Variants in IL1RL2 observed in about 807,000 individuals in gnomAD.
IL1RL2 encodes interleukin-1 receptor-like 2.
Under a neutral mutation model 66.8 loss-of-function variants are expected in IL1RL2, and 68 were observed. The ratio of observed to expected loss-of-function variants is 1.02; its 90% CI spans 0.84 to 1.25. IL1RL2 has a LOEUF of 1.25. Ranked by LOEUF, IL1RL2 falls within the 50% of genes most tolerant of loss-of-function variation. IL1RL2 has a pLI of 0.00. For synonymous variants in IL1RL2, 305 were observed against 264.6 expected, an observed-to-expected ratio of 1.15 and a Z score of -1.48; for missense variants, 729 against 709.3, an observed-to-expected ratio of 1.03 and a Z score of -0.32.
Position 102,187,036 on chromosome 2 carries a change from T to C in IL1RL2, c.-63T>C. On this transcript the variant is annotated 5_prime_UTR_variant, in exon 1 of 12. Transcript: ENST00000264257. ...TGGCATGACAGGGCTCGTGTCCCTG[T>C]CATATTTTCCACTCTCCACGAGGTC... 1 of 1,289,804 alleles carries C rather than the reference T, an allele frequency of 7.8e-7. No individual in the cohort carries two copies. Among genetic ancestry groups the C allele is most frequent in the Non-Finnish European group, 1.0e-6 (1 of 988,842 alleles). The allele number at this position is 1,289,804 out of a possible 1,614,324, so 79.9% of individuals were successfully genotyped here.
Position 102,232,165 on chromosome 2 carries a change from G to A in IL1RL2, c.1136-798G>A, listed in dbSNP as rs146927703. 2.0e-3 allele frequency among the ~76,000 whole-genome samples: 306 copies of A among 151,410 alleles called. 8 individuals carry two copies. In the East Asian group the frequency reaches 0.05, roughly 25 times the overall value. ...TTGCTCTTGTTGCCCAGGCTGGAGT[G>A]CAATGGTGTGATCTCGGCTCACTGA... On this transcript the variant is annotated intron_variant, in intron 9 of 11. Transcript: ENST00000264257.
chr2:102,222,656 A>G (rs898293322), intron 8 of IL1RL2, among the ~76,000 whole-genome samples: 4 of 152,182 alleles, frequency 2.6e-5, no homozygotes, highest in African/African-American at 9.7e-5. Flanking sequence ...TGAGTTTGAG[A>G]CAAGTGCAGA....
intron 8 of IL1RL2, among the ~76,000 whole-genome samples, chr2:102,224,854 A>C (rs1040211185): frequency 1.3e-5 from 2 of 152,188 alleles, no homozygotes; most frequent in African/African-American, 4.8e-5. Context: ...AATATGTGCA[A>C]CTATTATGTA....
At chr2:102,195,617 CTT>C (rs1374089317) in intron 4 of IL1RL2, among the ~76,000 whole-genome samples, 20 of 17,172 alleles carry the variant, frequency 1.2e-3, no homozygotes, top group Admixed American at 1.6e-3. Flanking sequence ...TTCTTTCTTT[CTT>C]TCTTTCTTTC....
At chr2:102,187,124 G>C (rs532593255) in intron 1 of IL1RL2, 38 bp downstream of exon 1, 118 of 1,287,112 alleles carry the variant, frequency 9.2e-5, no homozygotes, top group Non-Finnish European at 1.1e-4. Flanking sequence ...AGCCAGGCAT[G>C]GGTGGGGCCC....
chr2:102,197,961 C>A (rs921873684), intron 4 of IL1RL2, among the ~76,000 whole-genome samples: 1 of 152,180 alleles, frequency 6.6e-6, no homozygotes, highest in Admixed American at 6.5e-5. Flanking sequence ...GGCCTCGATG[C>A]CACTTCCTGA....
chr2:102,241,039 A>G (rs928815849), downstream of IL1RL2, among the ~76,000 whole-genome samples: 1 of 152,214 alleles, frequency 6.6e-6, no homozygotes, highest in African/African-American at 2.4e-5. Flanking sequence ...GTCCAGCCCG[A>G]AGCTCACAGA....
intron 4 of IL1RL2, among the ~76,000 whole-genome samples, chr2:102,199,712 T>C (rs979133522): frequency 6.6e-6 from 1 of 152,142 alleles, no homozygotes; most frequent in Admixed American, 6.5e-5. Context: ...GATTAAAATA[T>C]GTATATCTTG....
At chr2:102,188,996 G>A (rs762007533) in intron 2 of IL1RL2, 80 bp from the exon 3 acceptor site, 13 of 987,860 alleles carry the variant, frequency 1.3e-5, no homozygotes, top group Non-Finnish European at 1.7e-5. Flanking sequence ...AATTGAAGAG[G>A]CATTTAAAAA....
Position 102,232,979 on chromosome 2 carries a change from C to T in IL1RL2, c.1152C>T (p.Asp384=), listed in dbSNP as rs148666578. The part of the protein sequence containing the change: ...TETIVDGKLY[D]AYVLYPKPHK... Reference sequence around the variant, plus strand: ...CCTTTTCAGATGGGAAGCTGTATGACGCCTATGTCTTATACCCCAAGCCCC... The same window carrying T: ...CCTTTTCAGATGGGAAGCTGTATGATGCCTATGTCTTATACCCCAAGCCCC... The change falls in exon 10 of 12, where the codon GAC becomes GAT. Residue 384 remains aspartate (D), a synonymous_variant. Transcript: ENST00000264257. The T allele has an allele frequency of 1.8e-4, 294 of 1,612,498 alleles. 1 individual carries two copies. In the African/African-American group the frequency reaches 2.7e-3, roughly 15 times the overall value.
intron 11 of IL1RL2, 42 bp from the exon 12 acceptor site, chr2:102,239,150 A>G: frequency 2.5e-6 from 4 of 1,597,742 alleles, no homozygotes; most frequent in Non-Finnish European, 1.7e-6. Context: ...CCCATCTCCC[A>G]CCACATCAGA....
chr2:102,216,454 T>A (rs1689621037), intron 6 of IL1RL2, among the ~76,000 whole-genome samples: 1 of 152,206 alleles, frequency 6.6e-6, no homozygotes, highest in African/African-American at 2.4e-5. Flanking sequence ...CTGGACCTAC[T>A]GTGAGTCAGT....
chr2:102,201,780 C>CTTTGGGT, intron 5 of IL1RL2, 65 bp downstream of exon 5: 1 of 1,525,886 alleles, frequency 6.6e-7, no homozygotes, highest in Non-Finnish European at 8.9e-7. Flanking sequence ...TGGCTTCTGG[C>CTTTGGGT]TTTGGGTTTT....
intron 8 of IL1RL2, among the ~76,000 whole-genome samples, chr2:102,223,137 C>A (rs1233631324): frequency 6.6e-6 from 1 of 152,178 alleles, no homozygotes; most frequent in Non-Finnish European, 1.5e-5. Context: ...TAGTTCCTGG[C>A]AATGCTCATT....
chr2:102,187,658 G>A (rs1686804753), intron 1 of IL1RL2, among the ~76,000 whole-genome samples, 198 bp from the exon 2 acceptor site: 1 of 152,178 alleles, frequency 6.6e-6, no homozygotes, highest in African/African-American at 2.4e-5. Context: ...CTGGATCCTG[G>A]TCGGGCGCCC....
intron 11 of IL1RL2, among the ~76,000 whole-genome samples, chr2:102,236,669 C>T (rs1674915947): frequency 6.6e-6 from 1 of 152,194 alleles, no homozygotes; most frequent in South Asian, 2.1e-4. Flanking sequence ...TCACCACCAT[C>T]CATTCCAGAA....
At chr2:102,216,905 A>T (rs1689662109) in intron 6 of IL1RL2, among the ~76,000 whole-genome samples, 1 of 152,156 alleles carries the variant, frequency 6.6e-6, no homozygotes, top group South Asian at 2.1e-4. Flanking sequence ...AATTCACATC[A>T]TTATACATTG....
chr2:102,189,221 C>T lies in IL1RL2; in HGVS notation c.204C>T (p.Ile68=), dbSNP rs1248829605. ...CTAGCAAAATCCCAGTGTCCAAAAT[C>T]ATACAGTCTAGAATTCACCAGGACG... ...KNSSKIPVSK[I]IQSRIHQDET... is the part of the protein sequence containing the mutation. Residue 68 remains isoleucine, a synonymous_variant, in exon 3 of 12, where the codon ATC becomes ATT. Transcript: ENST00000264257. 6.2e-7 allele frequency: 1 copy of T among 1,613,986 alleles called. No individual in the cohort carries two copies. Among genetic ancestry groups the T allele is most frequent in the African/African-American group, 1.3e-5 (1 of 74,932 alleles).
intron 6 of IL1RL2, among the ~76,000 whole-genome samples, chr2:102,212,896 G>A (rs1158700995): frequency 2.0e-5 from 3 of 152,148 alleles, no homozygotes; most frequent in African/African-American, 7.2e-5. Context: ...GTGAACCCGG[G>A]AGGCAGAGCT....
Sources: gnomAD v4.1 joint callset for allele counts (sites outside exome capture counted in the v4.1 genomes callset) on GRCh38, gnomAD v4.1.1 for gene constraint, MANE v1.5 for transcripts, NCBI Gene and HGNC (gene_info 2026-07-23, HGNC 2026-07-21) for gene names.